The following KPNA1 variants were observed in gnomAD, a reference collection of about 807,000 sequenced individuals.
KPNA1 encodes karyopherin subunit alpha 1, also known as importin subunit alpha-5.
In KPNA1, 10 loss-of-function variants were observed where a neutral mutation model predicts 70.5. That is an observed-to-expected ratio of 0.14 (90% CI 0.09 to 0.24). The LOEUF (loss-of-function observed/expected upper bound fraction) is 0.24, where lower values mean the gene tolerates loss of function less well. Ranked by LOEUF, KPNA1 falls within the 10% of genes least tolerant of loss-of-function variation. The pLI, the probability that KPNA1 is intolerant of heterozygous loss-of-function variation, is 1.00. For missense variants in KPNA1, 397 were observed against 637.9 expected, an observed-to-expected ratio of 0.62 and a Z score of 4.07; for synonymous variants, 192 against 221.9, an observed-to-expected ratio of 0.87 and a Z score of 1.20.
intron 10 of KPNA1, 89 bp from the exon 11 acceptor site, chr3:122,437,384 C>T (rs999593786): frequency 3.3e-6 from 3 of 916,536 alleles, no homozygotes; most frequent in Non-Finnish European, 1.6e-6. Context: ...AAAGACATAA[C>T]ATCTCCCCTT....
At chr3:122,493,836 C>T (rs537687954) in intron 2 of KPNA1, among the ~76,000 whole-genome samples, 9 of 152,292 alleles carry the variant, frequency 5.9e-5, no homozygotes, top group South Asian at 4.1e-4. Flanking sequence ...CTGCCCACCC[C>T]GGCCTCCCAA....
intron 1 of KPNA1, among the ~76,000 whole-genome samples, chr3:122,501,055 G>C (rs1463822755): frequency 1.4e-5 from 2 of 138,938 alleles, no homozygotes; most frequent in Non-Finnish European, 3.1e-5. Flanking sequence ...TTGAGACAGA[G>C]TCTCACTCTA....
intron 1 of KPNA1, among the ~76,000 whole-genome samples, chr3:122,499,324 T>C (rs1403199104): frequency 2.6e-5 from 4 of 152,270 alleles, no homozygotes; most frequent in African/African-American, 9.6e-5. Context: ...GGATTTTCTG[T>C]AAAGGCACTT....
chr3:122,428,766 G>A (rs2075857650), intron 12 of KPNA1, among the ~76,000 whole-genome samples: 1 of 152,162 alleles, frequency 6.6e-6, no homozygotes. Context: ...ATCAGGATGA[G>A]GGTTTCACAC....
At chr3:122,436,065 G>A (rs1171320920) in intron 11 of KPNA1, among the ~76,000 whole-genome samples, 1 of 152,232 alleles carries the variant, frequency 6.6e-6, no homozygotes. Flanking sequence ...GAACAGTCAT[G>A]AGAAAGAGAA....
chr3:122,422,518 T>C lies in KPNA1; in HGVS notation c.*4467A>G, dbSNP rs1427568787. On this transcript the variant is annotated 3_prime_UTR_variant, in exon 14 of 14. Coordinates refer to ENST00000344337, the MANE Select transcript of KPNA1 (RefSeq NM_002264.4). The stretch of plus-strand genomic sequence containing the variant: ...TAAGGGTGCTGATGGTAAGCAGGAG[T>C]CAGGAAGAATGGTCTAACAAAAAAG... The C allele has an allele frequency of 6.6e-6, 1 of 151,866 alleles. No individual in the cohort carries two copies. Among genetic ancestry groups the C allele is most frequent in the African/African-American group, 2.4e-5 (1 of 41,302 alleles). The allele number at this position is 151,866 out of a possible 1,614,324, so 9.4% of individuals were successfully genotyped here. A position where few individuals can be genotyped will look rare whatever the true frequency, so the allele number is the denominator to read the frequency against.
rs983254754 is a variant in KPNA1 at position 122,426,366 on chromosome 3, G to C, written c.*619C>G. ...GAAAGCACATTCACTGAAGGCTGAA[G>C]GTGAGGGAGTGGATGGTTTAACTTT... On this transcript the variant is annotated 3_prime_UTR_variant, in exon 14 of 14. Coordinates refer to ENST00000344337, the MANE Select transcript of KPNA1 (RefSeq NM_002264.4). The C allele has an allele frequency of 9.8e-5, 15 of 152,722 alleles. No homozygotes were observed. Among genetic ancestry groups the C allele is most frequent in the African/African-American group, 3.4e-4 (14 of 41,546 alleles). The allele number at this position is 152,722 out of a possible 1,614,324, so 9.5% of individuals were successfully genotyped here. A position where few individuals can be genotyped will look rare whatever the true frequency, so the allele number is the denominator to read the frequency against.
chr3:122,457,993 G>A (rs1274492590), intron 5 of KPNA1: 2 of 608,072 alleles, frequency 3.3e-6, no homozygotes, highest in Non-Finnish European at 4.8e-6. Context: ...ACAGGAGGAT[G>A]AAGGCTTACT....
chr3:122,494,885 T>C (rs1327007394), intron 2 of KPNA1, among the ~76,000 whole-genome samples: 6 of 152,176 alleles, frequency 3.9e-5, no homozygotes, highest in Non-Finnish European at 5.9e-5. Context: ...TTCAGACCTA[T>C]ACCTACCTGG....
chr3:122,488,380 G>A (rs1037553608), intron 2 of KPNA1, among the ~76,000 whole-genome samples: 1 of 151,952 alleles, frequency 6.6e-6, no homozygotes, highest in African/African-American at 2.4e-5. Flanking sequence ...TAATCAGCCA[G>A]ATGTAGTGGT....
intron 8 of KPNA1, among the ~76,000 whole-genome samples, 153 bp from the exon 9 acceptor site, chr3:122,449,890 C>T (rs536817894): frequency 3.2e-4 from 48 of 152,300 alleles, no homozygotes; most frequent in African/African-American, 1.1e-3. Flanking sequence ...GTGGCATTTC[C>T]ATCTTTGGCA....
chr3:122,436,104 G>A (rs1032127350), intron 11 of KPNA1, among the ~76,000 whole-genome samples: 1 of 152,154 alleles, frequency 6.6e-6, no homozygotes, highest in African/African-American at 2.4e-5. Flanking sequence ...TCTCTAAAAT[G>A]GCCACTCTGG....
intron 2 of KPNA1, among the ~76,000 whole-genome samples, chr3:122,477,273 G>C (rs372889665): frequency 3.9e-5 from 6 of 152,276 alleles, no homozygotes; most frequent in East Asian, 1.9e-4. Context: ...TGGAGGGCTG[G>C]GGACAGGAAA....
intron 2 of KPNA1, among the ~76,000 whole-genome samples, chr3:122,494,504 T>C (rs932720000): frequency 2.0e-5 from 3 of 152,216 alleles, no homozygotes; most frequent in Non-Finnish European, 2.9e-5. Context: ...TCTACTTTTA[T>C]ACCAGTACTG....
At chr3:122,486,737 C>A (rs1189873266) in intron 2 of KPNA1, among the ~76,000 whole-genome samples, 1 of 152,070 alleles carries the variant, frequency 6.6e-6, no homozygotes, top group Non-Finnish European at 1.5e-5. Context: ...ACAGGCACCG[C>A]CACCACGCCC....
chr3:122,511,881 A>T (rs1044824309), intron 1 of KPNA1, among the ~76,000 whole-genome samples: 1 of 152,260 alleles, frequency 6.6e-6, no homozygotes, highest in Non-Finnish European at 1.5e-5. Flanking sequence ...AAGCACAGAC[A>T]TCATAAATCA....
chr3:122,443,304 C>G (rs749335533), intron 9 of KPNA1: 26 of 152,344 alleles, frequency 1.7e-4, no homozygotes, highest in African/African-American at 6.3e-4. Context: ...AGCCAGAAAG[C>G]TCGAAATGGG....
At position 122,482,704 on chromosome 3, in the gene KPNA1, G is replaced by T. The variant is rs547433535; in HGVS notation, c.129+13733C>A. 5.9e-5 allele frequency among the ~76,000 whole-genome samples: 9 copies of T among 152,188 alleles called. No homozygotes were observed. In the South Asian group the frequency reaches 1.9e-3, roughly 32 times the overall value. On this transcript the variant is annotated intron_variant, in intron 2 of 13. Transcript: ENST00000344337. ...AATTGCATTTCTACATATTAACAAT[G>T]AACAACTGAAATCTAAAAAATAACA... is the stretch of plus-strand genomic sequence containing the variant.
chr3:122,489,632 A>G (rs2076674722), intron 2 of KPNA1, among the ~76,000 whole-genome samples: 1 of 152,130 alleles, frequency 6.6e-6, no homozygotes, highest in Admixed American at 6.5e-5. Context: ...TATGGTTATA[A>G]TAACCATTTA....
Sources: gnomAD v4.1 joint callset for allele counts (sites outside exome capture counted in the v4.1 genomes callset) on GRCh38, gnomAD v4.1.1 for gene constraint, MANE v1.5 for transcripts, NCBI Gene and HGNC (gene_info 2026-07-23, HGNC 2026-07-21) for gene names.